Variants in POU6F2 observed in about 807,000 individuals in gnomAD.
The protein encoded by POU6F2 is POU domain, class 6, transcription factor 2.
A neutral mutation model predicts 71.3 loss-of-function variants in POU6F2; 31 were observed. The ratio of observed to expected loss-of-function variants is 0.43; its 90% CI spans 0.33 to 0.59. The LOEUF is 0.59. POU6F2 is among the 20% of genes least tolerant of loss of function. The pLI, the probability that POU6F2 is intolerant of heterozygous loss-of-function variation, is 0.04. For missense variants in POU6F2, 783 were observed against 856.8 expected (o/e 0.91, Z 1.07); for synonymous variants, 347 against 355.7 (o/e 0.98, Z 0.27).
chr7:39,156,392 C>G (rs1270442064), intron 2 of POU6F2, among the ~76,000 whole-genome samples: 1 of 152,080 alleles, frequency 6.6e-6, no homozygotes, highest in Non-Finnish European at 1.5e-5. Context: ...CCTTTTAACC[C>G]TGTCTCTAGT....
intron 2 of POU6F2, among the ~76,000 whole-genome samples, chr7:39,168,223 A>G (rs1330139311): frequency 6.6e-6 from 1 of 152,204 alleles, no homozygotes; most frequent in Non-Finnish European, 1.5e-5. Flanking sequence ...AGATGACAAA[A>G]TGCGCTTTGT....
intron 1 of POU6F2, chr7:39,013,320 C>T (rs1196977998): frequency 2.0e-5 from 3 of 152,398 alleles, no homozygotes; most frequent in Non-Finnish European, 4.4e-5. Context: ...CTTTCTTTGA[C>T]TCGGAAAGGG....
chr7:39,265,489 C>T (rs1052164131), intron 4 of POU6F2, among the ~76,000 whole-genome samples: 2 of 152,168 alleles, frequency 1.3e-5, no homozygotes, highest in South Asian at 4.1e-4. Context: ...TACATTTAAA[C>T]GTTTACATGT....
intron 4 of POU6F2, among the ~76,000 whole-genome samples, chr7:39,306,488 A>T (rs1234118364): frequency 6.6e-6 from 1 of 152,186 alleles, no homozygotes; most frequent in Non-Finnish European, 1.5e-5. Context: ...TCCAAAACCC[A>T]TGCTCTCCCA....
chr7:39,208,576 A>G (rs991782990), intron 4 of POU6F2, among the ~76,000 whole-genome samples: 1 of 152,232 alleles, frequency 6.6e-6, no homozygotes, highest in Non-Finnish European at 1.5e-5. Context: ...AAACAGACCA[A>G]GTAAGAACTG....
At chr7:38,989,943 A>G (rs1205630160) in intron 1 of POU6F2, among the ~76,000 whole-genome samples, 2 of 152,072 alleles carry the variant, frequency 1.3e-5, no homozygotes, top group Admixed American at 6.6e-5. Context: ...TCATAGCCTC[A>G]GGAACTCTTT....
At chr7:39,006,739 G>T in intron 1 of POU6F2, 1 of 1,017,410 alleles carries the variant, frequency 9.8e-7, no homozygotes, top group Non-Finnish European at 1.6e-6. Context: ...TAAATAAAAT[G>T]TTGGGGTTTT....
intron 6 of POU6F2, among the ~76,000 whole-genome samples, chr7:39,419,131 A>G (rs1787783838): frequency 7.5e-6 from 1 of 134,142 alleles, no homozygotes; most frequent in South Asian, 2.4e-4. Context: ...GTGTATATAT[A>G]CACATATATA....
At chr7:39,165,916 G>A (rs569321873) in intron 2 of POU6F2, among the ~76,000 whole-genome samples, 1 of 152,304 alleles carries the variant, frequency 6.6e-6, no homozygotes, top group East Asian at 1.9e-4. Context: ...GTAGTACATT[G>A]CAGCTCCTAG....
rs76629030 is a variant in POU6F2, at chr7:39,239,415, G to A, written c.598+31795G>A. Among the ~76,000 whole-genome samples the A allele has an allele frequency of 4.2e-3, 633 of 152,180 alleles. 5 individuals are homozygous for A. Among genetic ancestry groups the A allele is most frequent in the African/African-American group, 0.015 (613 of 41,554 alleles). ...CTTAACTTGTATCAGAATATTTATG[G>A]TTTTTATTTATCCCACTTAGTATGA... On this transcript the variant is annotated intron_variant, in intron 4 of 9. Coordinates refer to ENST00000518318, the MANE Select transcript of POU6F2 (RefSeq NM_001370959.1).
At chr7:39,261,451 G>A (rs181961220) in intron 4 of POU6F2, among the ~76,000 whole-genome samples, 15 of 152,314 alleles carry the variant, frequency 9.8e-5, no homozygotes, top group Non-Finnish European at 2.1e-4. Flanking sequence ...TGGCCATGAT[G>A]AAGAATCAGC....
chr7:39,096,405 A>C (rs1041585834), intron 2 of POU6F2, among the ~76,000 whole-genome samples: 3 of 152,174 alleles, frequency 2.0e-5, no homozygotes, highest in African/African-American at 7.2e-5. Context: ...CAAGATAATA[A>C]GACACTTCAA....
At chr7:39,015,516 TAA>T (rs200701411) in intron 1 of POU6F2, among the ~76,000 whole-genome samples, 5,954 of 71,228 alleles carry the variant, frequency 0.084, 730 homozygotes, top group East Asian at 0.47. Context: ...ATTATATATA[TAA>T]TATATCTATG....
chr7:39,428,578 G>T (rs976472196), intron 6 of POU6F2, among the ~76,000 whole-genome samples: 1 of 152,174 alleles, frequency 6.6e-6, no homozygotes, highest in African/African-American at 2.4e-5. Flanking sequence ...CATGCTTTTT[G>T]AATTGAAGCA....
chr7:39,190,428 A>AAAAAAAAAAAAAAC (rs1793639499), intron 2 of POU6F2, among the ~76,000 whole-genome samples: 1 of 144,540 alleles, frequency 6.9e-6, no homozygotes, highest in African/African-American at 2.5e-5. Context: ...AAAAAAAAAA[A>AAAAAAAAAAAAAAC]AAAAAAAAAA....
At chr7:39,394,847 TGGCTTGTACCCATTGG>T (rs1338296327) in intron 5 of POU6F2, among the ~76,000 whole-genome samples, 2 of 152,124 alleles carry the variant, frequency 1.3e-5, no homozygotes, top group Non-Finnish European at 2.9e-5. Context: ...ACCCCTACAC[TGGCTTGTACCCATTGG>T]CTCTTGTCTG....
At chr7:39,075,738 T>C (rs1790988215) in intron 1 of POU6F2, among the ~76,000 whole-genome samples, 1 of 152,232 alleles carries the variant, frequency 6.6e-6, no homozygotes, top group Non-Finnish European at 1.5e-5. Context: ...TGCTTCCAGC[T>C]GAACAAGGAG....
chr7:39,180,774 C>A (rs1793420654), intron 2 of POU6F2, among the ~76,000 whole-genome samples: 1 of 152,100 alleles, frequency 6.6e-6, no homozygotes, highest in African/African-American at 2.4e-5. Context: ...TTGCACTGGG[C>A]CCCATTACTG....
At chr7:39,352,767 A>AT (rs1433798816) in intron 5 of POU6F2, among the ~76,000 whole-genome samples, 6 of 151,978 alleles carry the variant, frequency 3.9e-5, no homozygotes, top group Non-Finnish European at 8.8e-5. Context: ...TTTATTTTAT[A>AT]TTTGGGGGTA....
Sources: gnomAD v4.1 joint callset for allele counts (sites outside exome capture counted in the v4.1 genomes callset) on GRCh38, gnomAD v4.1.1 for gene constraint, MANE v1.5 for transcripts, NCBI Gene and HGNC (gene_info 2026-07-23, HGNC 2026-07-21) for gene names.